The following ZFHX3 variants were observed in gnomAD, a reference collection of about 807,000 sequenced individuals.
ZFHX3 encodes zinc finger homeobox protein 3.
A neutral mutation model predicts 279.1 loss-of-function variants in ZFHX3; 42 were observed. The ratio of observed to expected loss-of-function variants is 0.15; its 90% CI spans 0.12 to 0.19. The LOEUF (loss-of-function observed/expected upper bound fraction) is 0.19. ZFHX3 is among the 10% of genes least tolerant of loss of function. The pLI, the probability that ZFHX3 is intolerant of heterozygous loss-of-function variation, is 1.00. For missense variants in ZFHX3, 4,981 were observed against 4,754.0 expected (o/e 1.05, Z -1.40); for synonymous variants, 2,293 against 1,957.8 (o/e 1.17, Z -4.52).
intron 3 of ZFHX3, among the ~76,000 whole-genome samples, chr16:73,360,068 T>C (rs28457055): frequency 0.31 from 47,324 of 152,006 alleles, 7,776 homozygotes; most frequent in African/African-American, 0.42. Flanking sequence ...TCCTGAGTTA[T>C]CACTTATTAG....
intron 6 of ZFHX3, among the ~76,000 whole-genome samples, chr16:73,133,861 AG>A (rs1306051609): frequency 1.3e-5 from 2 of 152,192 alleles, no homozygotes; most frequent in African/African-American, 4.8e-5. Context: ...TTAATGTTTT[AG>A]CCCTCCCACA....
intron 4 of ZFHX3, among the ~76,000 whole-genome samples, chr16:72,873,369 C>T (rs1302844130): frequency 2.0e-5 from 3 of 152,200 alleles, no homozygotes; most frequent in Non-Finnish European, 4.4e-5. Context: ...GTTTCTGCTG[C>T]ACATTTAGAG....
rs1335954520 is a variant in ZFHX3 at position 73,216,119 on chromosome 16, A to T, written c.-1104+40928T>A. Among the ~76,000 whole-genome samples, 6 of 152,210 alleles carry T rather than the reference A, an allele frequency of 3.9e-5. No individual in the cohort carries two copies. In the East Asian group the frequency reaches 9.6e-4, roughly 24 times the overall value. ...AGAACCAAAGCAGGCCTATAGATAC[A>T]CAAGGGAAAAATAAATGCTTACTGT... is the stretch of plus-strand genomic sequence containing the variant. On this transcript the variant is annotated intron_variant, in intron 5 of 17. Transcript: ENST00000641206.
At chr16:73,584,356 C>G (rs576826190) in intron 2 of ZFHX3, among the ~76,000 whole-genome samples, 4 of 152,160 alleles carry the variant, frequency 2.6e-5, no homozygotes, top group African/African-American at 9.6e-5. Context: ...AATTTCAGAA[C>G]AGCAAAGACA....
intron 2 of ZFHX3, among the ~76,000 whole-genome samples, chr16:73,560,976 T>A (rs1261968984): frequency 2.0e-5 from 3 of 152,176 alleles, no homozygotes; most frequent in African/African-American, 7.2e-5. Context: ...TCTAAATTGA[T>A]CCCTAATTAG....
chr16:72,845,509 G>A (rs1030984603), intron 4 of ZFHX3, among the ~76,000 whole-genome samples: 1 of 152,150 alleles, frequency 6.6e-6, no homozygotes, highest in African/African-American at 2.4e-5. Flanking sequence ...GCCTGCGTGG[G>A]CTCTCCGCCC....
chr16:73,438,529 A>G (rs1321029052), intron 3 of ZFHX3, among the ~76,000 whole-genome samples: 1 of 152,262 alleles, frequency 6.6e-6, no homozygotes, highest in Non-Finnish European at 1.5e-5. Flanking sequence ...ACTGTAACGC[A>G]TTAATACTTT....
upstream of ZFHX3, chr16:73,060,917 G>A (rs1480111779): frequency 1.3e-5 from 2 of 152,106 alleles, no homozygotes; most frequent in Non-Finnish European, 2.9e-5. Flanking sequence ...AGAACATGCA[G>A]CTTCTTAGTC....
chr16:73,715,771 A>G (rs926882843), intron 1 of ZFHX3, among the ~76,000 whole-genome samples: 1 of 151,574 alleles, frequency 6.6e-6, no homozygotes, highest in Non-Finnish European at 1.5e-5. Context: ...TCGGGGTTTC[A>G]CCATCTTGGC....
chr16:73,626,156 G>A (rs937337291), intron 2 of ZFHX3, among the ~76,000 whole-genome samples: 8 of 152,116 alleles, frequency 5.3e-5, no homozygotes, highest in African/African-American at 1.9e-4. Context: ...ACGCCCGGCC[G>A]AAATAAAATT....
In ZFHX3 at chr16:73,619,235, T is replaced by C. The variant is rs569356985; in HGVS notation, c.-1547+60945A>G. ...CGGGTGCGGTGGCTCATGCCTGTAA[T>C]CCTAGCACTTCGGGAGGCTGAGGCA... is the stretch of plus-strand genomic sequence containing the variant. On this transcript the variant is annotated intron_variant, in intron 2 of 17. Coordinates refer to the ZFHX3 transcript ENST00000641206. 2.0e-5 allele frequency among the ~76,000 whole-genome samples: 3 copies of C among 152,184 alleles called. No individual in the cohort carries two copies. The South Asian group carries it at 6.2e-4, about 32-fold the overall frequency.
rs534962602 is a variant in ZFHX3, at chr16:73,239,527, C to G, written c.-1104+17520G>C. Reference sequence around the variant, plus strand: ...TAAGATGTTTCCATTTTCCTTTTTACCTGGGTAGGTTTGCCACCCTAAGCC... The same window carrying G: ...TAAGATGTTTCCATTTTCCTTTTTAGCTGGGTAGGTTTGCCACCCTAAGCC... On this transcript the variant is annotated intron_variant, in intron 5 of 17. Transcript: ENST00000641206. 1.8e-4 allele frequency among the ~76,000 whole-genome samples: 27 copies of G among 152,286 alleles called. 1 individual carries two copies. Among genetic ancestry groups the G allele is most frequent in the Admixed American group, 1.1e-3 (17 of 15,302 alleles).
At chr16:73,241,725 G>A (rs1277702785) in intron 5 of ZFHX3, among the ~76,000 whole-genome samples, 8 of 147,722 alleles carry the variant, frequency 5.4e-5, no homozygotes, top group African/African-American at 1.8e-4. Flanking sequence ...AGGAGGCGGA[G>A]GTTGCGGTGA....
At chr16:73,436,238 T>G (rs761016421) in intron 3 of ZFHX3, among the ~76,000 whole-genome samples, 31 of 152,110 alleles carry the variant, frequency 2.0e-4, no homozygotes, top group Non-Finnish European at 4.6e-4. Context: ...GGAGAATCGC[T>G]TGAGCCTGGG....
chr16:73,051,013 A>G (rs1965439592), upstream of ZFHX3, among the ~76,000 whole-genome samples: 1 of 152,082 alleles, frequency 6.6e-6, no homozygotes, highest in South Asian at 2.1e-4. Flanking sequence ...CTCTTTCTCT[A>G]CACATACACA....
chr16:72,837,474 A>ATTTTTT (rs761762599), intron 4 of ZFHX3, among the ~76,000 whole-genome samples: 1 of 125,182 alleles, frequency 8.0e-6, no homozygotes. Context: ...TCCAATGATG[A>ATTTTTT]TTTTTTTTTT....
rs2035354904 is a variant in ZFHX3 at position 72,786,034 on chromosome 16, A to G, written c.*1130T>C. ...CTAAGAAATGAAGGCAGCTACCTTAAGTGGGAGATTATAGGACGGGAGGTG... is the reference window on the plus strand; with the variant it reads ...CTAAGAAATGAAGGCAGCTACCTTAGGTGGGAGATTATAGGACGGGAGGTG... On this transcript the variant is annotated 3_prime_UTR_variant, in exon 10 of 10. Transcript: ENST00000268489. The G allele has an allele frequency of 6.6e-6, 1 of 152,176 alleles. No homozygotes were observed. The allele number at this position is 152,176 out of a possible 1,614,324, so 9.4% of individuals were successfully genotyped here.
At chr16:73,796,725 A>G (rs991835613) in intron 1 of ZFHX3, among the ~76,000 whole-genome samples, 2 of 152,196 alleles carry the variant, frequency 1.3e-5, no homozygotes, top group African/African-American at 2.4e-5. Flanking sequence ...GGTCCAGATA[A>G]TGCATGCTTC....
chr16:73,537,686 C>G (rs1175662536), intron 2 of ZFHX3, among the ~76,000 whole-genome samples: 1 of 152,150 alleles, frequency 6.6e-6, no homozygotes, highest in African/African-American at 2.4e-5. Context: ...CCTGAGGATC[C>G]AAAGATGAGT....
Sources: gnomAD v4.1 joint callset for allele counts (sites outside exome capture counted in the v4.1 genomes callset) on GRCh38, gnomAD v4.1.1 for gene constraint, MANE v1.5 for transcripts, NCBI Gene and HGNC (gene_info 2026-07-23, HGNC 2026-07-21) for gene names.